The following DTNB variants were observed in gnomAD, a reference collection of about 807,000 sequenced individuals.
DTNB encodes the protein DTN-B.
A neutral mutation model predicts 90.7 loss-of-function variants in DTNB; 63 were observed. The observed-to-expected ratio is 0.69, with a 90% CI of 0.57 to 0.86. The LOEUF is 0.86. Ranked by LOEUF, DTNB falls within the 40% of genes least tolerant of loss-of-function variation. DTNB has a pLI of 0.00. For missense variants in DTNB, 744 were observed against 807.1 expected (o/e 0.92, Z 0.95); for synonymous variants, 277 against 286.7 (o/e 0.97, Z 0.34).
intron 2 of DTNB, among the ~76,000 whole-genome samples, chr2:25,642,459 A>G (rs858650): frequency 0.49 from 73,451 of 151,216 alleles, 18,780 homozygotes; most frequent in East Asian, 0.79. Flanking sequence ...ATGTTGCCCA[A>G]GCTGGAATGC....
chr2:25,564,167 C>T (rs957006591), intron 8 of DTNB, among the ~76,000 whole-genome samples: 1 of 152,142 alleles, frequency 6.6e-6, no homozygotes, highest in African/African-American at 2.4e-5. Flanking sequence ...TCCAAATTTG[C>T]TTCTCTTTTT....
At chr2:25,652,452 C>T (rs1574058774) in intron 2 of DTNB, 142 bp downstream of exon 2, 1 of 813,968 alleles carries the variant, frequency 1.2e-6, no homozygotes, top group Non-Finnish European at 1.8e-6. Context: ...CCTTCAACTC[C>T]ATGATTCTTT....
At chr2:25,433,382 C>T (rs1039200723) in intron 13 of DTNB, among the ~76,000 whole-genome samples, 3 of 152,210 alleles carry the variant, frequency 2.0e-5, no homozygotes, top group African/African-American at 7.2e-5. Flanking sequence ...CCTTCCTTCC[C>T]TCTGTCCCCG....
At chr2:25,415,491 CCA>C (rs1558423709) in intron 16 of DTNB, among the ~76,000 whole-genome samples, 1 of 152,034 alleles carries the variant, frequency 6.6e-6, no homozygotes, top group Non-Finnish European at 1.5e-5. Flanking sequence ...CGTGGAATCT[CCA>C]GAGTGATATG....
chr2:25,444,700 T>C (rs2058121432), intron 12 of DTNB, among the ~76,000 whole-genome samples: 1 of 152,146 alleles, frequency 6.6e-6, no homozygotes. Flanking sequence ...TGAAGCATGC[T>C]ACAGGGCGCA....
rs141947082 is a variant in DTNB at position 25,433,991 on chromosome 2, C to T, written c.1262G>A (p.Arg421His). The T allele has an allele frequency of 8.6e-5, 139 of 1,611,176 alleles. No individual in the cohort carries two copies. The highest frequency in any genetic ancestry group is 5.8e-4 in the African/African-American group (43 of 74,046). ...RLAAEAGNVT[R>H]PPTDLSFNFD... ...GTTAAAGCTCAAGTCAGTGGGAGGA[C>T]GAGTCTAAAGTGGGGAAGTCGGGAG... The change falls in exon 13 of 21, where the codon CGT becomes CAT. Residue 421 changes from arginine (R) to histidine (H), a missense_variant. Physicochemically the swap from Arg to His is conservative, Grantham distance 29. Transcript: ENST00000406818.
intron 3 of DTNB, among the ~76,000 whole-genome samples, chr2:25,633,231 C>G (rs1210051450): frequency 1.3e-5 from 2 of 151,604 alleles, no homozygotes; most frequent in African/African-American, 4.8e-5. Flanking sequence ...CTGGACTGTA[C>G]TGCTGCCATC....
At chr2:25,474,323 T>A (rs1217705452) in intron 10 of DTNB, among the ~76,000 whole-genome samples, 1 of 151,696 alleles carries the variant, frequency 6.6e-6, no homozygotes, top group African/African-American at 2.4e-5. Context: ...GAGAAAAAAC[T>A]ATTCTTGTGT....
At chr2:25,542,651 G>A (rs560994401) in intron 8 of DTNB, among the ~76,000 whole-genome samples, 36 of 152,144 alleles carry the variant, frequency 2.4e-4, no homozygotes, top group African/African-American at 8.4e-4. Context: ...CTCAGGCCTG[G>A]TTGTTTCCTT....
intron 12 of DTNB, among the ~76,000 whole-genome samples, chr2:25,442,959 C>G (rs1297580974): frequency 6.6e-6 from 1 of 152,182 alleles, no homozygotes; most frequent in Non-Finnish European, 1.5e-5. Flanking sequence ...TGTTATTTCT[C>G]ATTCTGTTAT....
At position 25,639,070 on chromosome 2, in the gene DTNB, C is replaced by T. The variant is rs189303418; in HGVS notation, c.92G>A (p.Arg31Gln). The T allele has an allele frequency of 1.1e-3, 1,797 of 1,586,448 alleles. 2 individuals are homozygous for T. The highest frequency in any genetic ancestry group is 1.5e-3 in the Non-Finnish European group (1,727 of 1,162,788). The change falls in exon 3 of 21, where the codon CGA (arginine) becomes CAA (glutamine). Residue 31 changes from arginine to glutamine, a missense_variant. Arg to Gln is a conservative substitution (Grantham distance 43). Transcript: ENST00000406818. ...EMRAQNFDVI[R>Q]LSTYRTACKL... The stretch of plus-strand genomic sequence containing the variant: ...GCAGGCTGTTCTGTAAGTTGATAGT[C>T]GTATGACATCAAAATTCTGAGCACC...
At chr2:25,643,462 A>C (rs1342928867) in intron 2 of DTNB, among the ~76,000 whole-genome samples, 2 of 152,272 alleles carry the variant, frequency 1.3e-5, no homozygotes, top group African/African-American at 4.8e-5. Flanking sequence ...TTATTGAGTG[A>C]ATAAACACGT....
intron 1 of DTNB, among the ~76,000 whole-genome samples, chr2:25,663,659 T>C (rs561223624): frequency 6.6e-6 from 1 of 152,326 alleles, no homozygotes; most frequent in Non-Finnish European, 1.5e-5. Context: ...TATTTTATTA[T>C]TGAAACAGAG....
rs6722782 is a variant in DTNB, at chr2:25,424,808, T to C, written c.1554+2727A>G. Among the ~76,000 whole-genome samples the C allele has an allele frequency of 0.21, 31,654 of 151,962 alleles. 3,823 individuals are homozygous for C. The highest frequency in any genetic ancestry group is 0.27 in the Non-Finnish European group (18,389 of 67,902). On this transcript the variant is annotated intron_variant, in intron 15 of 20. Transcript: ENST00000406818. This position sits in a 1 kb window ranked among gnomAD's most constrained non-coding sequence, Gnocchi z 4.1. ...TCAGCCTCCTGAGTAGCTGGGATTA[T>C]AGGCACGTGCCACCGTGCCCGGCTA...
chr2:25,664,234 C>T (rs992028887), intron 1 of DTNB, among the ~76,000 whole-genome samples: 8 of 152,170 alleles, frequency 5.3e-5, no homozygotes, highest in Non-Finnish European at 5.9e-5. Flanking sequence ...ATTTGACTGA[C>T]AAGTTCATAA....
intron 8 of DTNB, among the ~76,000 whole-genome samples, chr2:25,546,084 T>C (rs917387975): frequency 6.6e-6 from 1 of 152,196 alleles, no homozygotes; most frequent in Admixed American, 6.5e-5. Context: ...TTATTTAACA[T>C]TGGGACTTTC....
At chr2:25,462,053 C>T (rs1449390056) in intron 10 of DTNB, among the ~76,000 whole-genome samples, 1 of 152,190 alleles carries the variant, frequency 6.6e-6, no homozygotes, top group Non-Finnish European at 1.5e-5. Flanking sequence ...TCTAAAGCAG[C>T]ATTTCTAAAG....
chr2:25,507,736 G>T (rs1264904526), intron 9 of DTNB, among the ~76,000 whole-genome samples: 1 of 152,178 alleles, frequency 6.6e-6, no homozygotes, highest in African/African-American at 2.4e-5. Context: ...AGTCAGATCA[G>T]TCAAAGCAAT....
intron 1 of DTNB, among the ~76,000 whole-genome samples, chr2:25,662,546 G>C (rs2083393280): frequency 6.6e-6 from 1 of 152,028 alleles, no homozygotes; most frequent in African/African-American, 2.4e-5. Context: ...CATCACCCTG[G>C]GGGTCATGCA....
Sources: gnomAD v4.1 joint callset for allele counts (sites outside exome capture counted in the v4.1 genomes callset) on GRCh38, gnomAD v4.1.1 for gene constraint, Gnocchi (gnomAD v3.1) non-coding constraint, MANE v1.5 for transcripts, NCBI Gene and HGNC (gene_info 2026-07-23, HGNC 2026-07-21) for gene names.